Variants in NAALADL2 observed in about 807,000 individuals in gnomAD.
The protein encoded by NAALADL2 is N-acetylated alpha-linked acidic dipeptidase like 2.
Under a neutral mutation model 87.2 loss-of-function variants are expected in NAALADL2, and 76 were observed. The ratio of observed to expected loss-of-function variants is 0.87; its 90% CI spans 0.72 to 1.05. NAALADL2 has a LOEUF of 1.05. NAALADL2 is among the 50% of genes least tolerant of loss of function. The pLI is 0.00. For synonymous variants in NAALADL2, 354 were observed against 331.0 expected (o/e 1.07, Z -0.75); for missense variants, 1,089 against 945.8 (o/e 1.15, Z -1.99).
chr3:174,881,146 A>G (rs1729140261), intron 1 of NAALADL2, among the ~76,000 whole-genome samples: 1 of 152,136 alleles, frequency 6.6e-6, no homozygotes, highest in Non-Finnish European at 1.5e-5. Flanking sequence ...GTCAAAAATC[A>G]TAGGCTCCAG....
intron 2 of NAALADL2, among the ~76,000 whole-genome samples, chr3:174,571,592 T>C (rs892977212): frequency 3.1e-4 from 47 of 152,180 alleles, no homozygotes; most frequent in East Asian, 2.1e-3. Context: ...TTGGTCAGGC[T>C]GGTCTCGAGC....
intron 2 of NAALADL2, among the ~76,000 whole-genome samples, chr3:175,186,305 C>T (rs1308655625): frequency 6.6e-6 from 1 of 152,042 alleles, no homozygotes. Flanking sequence ...CAACTTTGAC[C>T]TTCACTTTGT....
intron 1 of NAALADL2, among the ~76,000 whole-genome samples, chr3:174,545,426 A>T (rs991944308): frequency 6.6e-6 from 1 of 152,022 alleles, no homozygotes; most frequent in African/African-American, 2.4e-5. Flanking sequence ...AAGTTTTTTG[A>T]CTTCTTACAT....
At chr3:175,456,100 C>T (rs1476236864) in intron 6 of NAALADL2, among the ~76,000 whole-genome samples, 1 of 151,946 alleles carries the variant, frequency 6.6e-6, no homozygotes, top group East Asian at 1.9e-4. Context: ...TAATTATTCA[C>T]AATACAGGTG....
chr3:174,641,913 C>T (rs1244143963), intron 2 of NAALADL2, among the ~76,000 whole-genome samples: 2 of 152,080 alleles, frequency 1.3e-5, no homozygotes, highest in Admixed American at 6.5e-5. Flanking sequence ...TGGGCCACTA[C>T]GCCCAGCTGA....
chr3:175,562,395 G>A (rs988234965), intron 9 of NAALADL2, among the ~76,000 whole-genome samples: 8 of 151,812 alleles, frequency 5.3e-5, no homozygotes, highest in African/African-American at 1.7e-4. Flanking sequence ...TATGTATTAT[G>A]TACATATTAT....
chr3:175,418,328 C>T (rs1182394661), intron 5 of NAALADL2, among the ~76,000 whole-genome samples: 2 of 152,102 alleles, frequency 1.3e-5, no homozygotes, highest in Non-Finnish European at 2.9e-5. Context: ...CTGCCAAATA[C>T]TCAGCCAAAT....
At chr3:174,638,184 T>C (rs1722833381) in intron 2 of NAALADL2, among the ~76,000 whole-genome samples, 1 of 152,202 alleles carries the variant, frequency 6.6e-6, no homozygotes, top group South Asian at 2.1e-4. Context: ...ATTGTCTTAT[T>C]GTAATCACAA....
At chr3:175,094,317 G>T (rs1303838620) in intron 1 of NAALADL2, among the ~76,000 whole-genome samples, 8 of 152,052 alleles carry the variant, frequency 5.3e-5, no homozygotes, top group African/African-American at 1.7e-4. Context: ...AAAAAAAATT[G>T]ACTGGTGCTA....
At chr3:174,931,703 G>C (rs1055109987) in intron 1 of NAALADL2, among the ~76,000 whole-genome samples, 11 of 152,096 alleles carry the variant, frequency 7.2e-5, no homozygotes, top group Admixed American at 4.6e-4. Context: ...ACATGGACAT[G>C]GACATGGATA....
chr3:175,122,085 G>A (rs1726243871), intron 2 of NAALADL2, among the ~76,000 whole-genome samples: 1 of 151,788 alleles, frequency 6.6e-6, no homozygotes, highest in African/African-American at 2.4e-5. Flanking sequence ...GGAGCTAGAC[G>A]GTGAATAGGT....
At chr3:175,183,215 G>T (rs1430050556) in intron 2 of NAALADL2, among the ~76,000 whole-genome samples, 1 of 151,012 alleles carries the variant, frequency 6.6e-6, no homozygotes, top group East Asian at 2.0e-4. Flanking sequence ...TCATTATACT[G>T]ATCTTTTGCC....
chr3:174,897,639 C>T lies in NAALADL2; in HGVS notation c.43+38189C>T, dbSNP rs376884316. On this transcript the variant is annotated intron_variant, in intron 1 of 13. Transcript: ENST00000454872. ...CTCAGAAAACTAGAAATATAGTTAC[C>T]GTATGATCTGGCAGTCTCACTGCTG... 3.9e-5 allele frequency among the ~76,000 whole-genome samples: 6 copies of T among 152,174 alleles called. No individual in the cohort carries two copies. The East Asian group carries it at 9.7e-4, about 25-fold the overall frequency.
chr3:174,582,319 T>C (rs927800488), intron 2 of NAALADL2, among the ~76,000 whole-genome samples: 4 of 152,200 alleles, frequency 2.6e-5, no homozygotes, highest in African/African-American at 9.6e-5. Flanking sequence ...TGGCTGGCTA[T>C]GGAATATCTT....
At chr3:174,837,230 A>G (rs755596046) in intron 3 of NAALADL2, among the ~76,000 whole-genome samples, 2 of 152,222 alleles carry the variant, frequency 1.3e-5, no homozygotes, top group Non-Finnish European at 2.9e-5. Flanking sequence ...AGATAAATAC[A>G]ATTGATAGAC....
chr3:175,151,469 G>C (rs936478), intron 2 of NAALADL2, among the ~76,000 whole-genome samples: 128,867 of 152,184 alleles, frequency 0.85, 55,100 homozygotes, highest in East Asian at 0.98. Flanking sequence ...ATTTATTATC[G>C]TATAAACTGG....
At chr3:175,004,341 T>A (rs919620448) in intron 1 of NAALADL2, among the ~76,000 whole-genome samples, 4 of 122,630 alleles carry the variant, frequency 3.3e-5, no homozygotes, top group Admixed American at 1.2e-4. Flanking sequence ...TTCACGCCTC[T>A]ACACTCCAGC....
At chr3:175,676,807 T>A (rs1734849318) in intron 11 of NAALADL2, 1 of 151,980 alleles carries the variant, frequency 6.6e-6, no homozygotes, top group African/African-American at 2.4e-5. Context: ...GTTATTCAGG[T>A]AAGCAAACAT....
chr3:175,461,869 T>A (rs1723182098), intron 6 of NAALADL2, among the ~76,000 whole-genome samples: 1 of 152,030 alleles, frequency 6.6e-6, no homozygotes, highest in Non-Finnish European at 1.5e-5. Flanking sequence ...AGCCCAGTGC[T>A]ATGACAATCT....
Sources: gnomAD v4.1 joint callset for allele counts (sites outside exome capture counted in the v4.1 genomes callset) on GRCh38, gnomAD v4.1.1 for gene constraint, MANE v1.5 for transcripts, NCBI Gene and HGNC (gene_info 2026-07-23, HGNC 2026-07-21) for gene names.